The following FOXP4 variants were observed in gnomAD, a reference collection of about 807,000 sequenced individuals.
FOXP4 encodes the protein forkhead box P4.
A neutral mutation model predicts 82.6 loss-of-function variants in FOXP4; 25 were observed. The observed-to-expected ratio is 0.30, with a 90% CI of 0.22 to 0.42. The LOEUF is 0.42. FOXP4 is among the 10% of genes least tolerant of loss of function. The pLI is 1.00. For synonymous variants in FOXP4, 415 were observed against 388.2 expected, an observed-to-expected ratio of 1.07 and a Z score of -0.81; for missense variants, 785 against 900.9, an observed-to-expected ratio of 0.87 and a Z score of 1.65.
Position 41,546,842 on chromosome 6 carries a change from C to T in FOXP4, c.-42C>T, listed in dbSNP as rs890481887. 1 of 149,364 alleles carries T rather than the reference C, an allele frequency of 6.7e-6. No individual in the cohort carries two copies. The highest frequency in any genetic ancestry group is 2.4e-5 in the African/African-American group (1 of 41,020). 9.3% of individuals were successfully genotyped at this position (149,364 alleles called of 1,614,324 possible). A position where few individuals can be genotyped will look rare whatever the true frequency, so the allele number is the denominator to read the frequency against. On this transcript the variant is annotated 5_prime_UTR_variant, in exon 1 of 17. Transcript: ENST00000307972. Reference sequence around the variant, plus strand: ...CCCGCGCGGGCTGACGGGCCGGAGCCCGCACGGAGCGGCCGGGCGGGACAG... The same window carrying T: ...CCCGCGCGGGCTGACGGGCCGGAGCTCGCACGGAGCGGCCGGGCGGGACAG...
intron 1 of FOXP4, among the ~76,000 whole-genome samples, chr6:41,548,887 A>T (rs1177191939): frequency 7.7e-6 from 1 of 130,290 alleles, no homozygotes; most frequent in African/African-American, 3.0e-5. Context: ...GGGCTCTGTT[A>T]CCTGGTGGCT....
chr6:41,587,393 C>T lies in FOXP4; in HGVS notation c.753C>T (p.Asp251=). The change falls in exon 7 of 17, where the codon GAC becomes GAT. Residue 251 remains aspartate, a synonymous_variant. Coordinates refer to ENST00000307972, the MANE Select transcript of FOXP4 (RefSeq NM_001012426.2). ...ACAGCGTCAAGCAGGAGGGGCTGGA[C>T]CTCACTGGCACGGCCGCCACCGCTA... is the stretch of plus-strand genomic sequence containing the variant. The part of the protein sequence containing the change: ...AEDSVKQEGL[D]LTGTAATATS... The T allele has an allele frequency of 6.3e-7, 1 of 1,598,244 alleles. No individual in the cohort carries two copies. Among genetic ancestry groups the T allele is most frequent in the East Asian group, 2.2e-5 (1 of 44,758 alleles).
Position 41,587,675 on chromosome 6 carries a change from C to T in FOXP4, c.873-118C>T, listed in dbSNP as rs1330813983. On this transcript the variant is annotated intron_variant, in intron 7 of 16. Coordinates refer to ENST00000307972, the MANE Select transcript of FOXP4 (RefSeq NM_001012426.2). The stretch of plus-strand genomic sequence containing the variant: ...GGGGTGTACAGATGGTGCTTGGCCG[C>T]TGGGAAACCTGTATTGGGGCAGAAA... The T allele has an allele frequency of 5.5e-6, 5 of 912,114 alleles. No homozygotes were observed. In the African/African-American group the frequency reaches 8.3e-5, roughly 15 times the overall value. The allele number at this position is 912,114 out of a possible 1,614,324, so 56.5% of individuals were successfully genotyped here.
chr6:41,554,241 G>A (rs1009794661), intron 1 of FOXP4, among the ~76,000 whole-genome samples: 2 of 152,220 alleles, frequency 1.3e-5, no homozygotes, highest in African/African-American at 4.8e-5. Flanking sequence ...GGCCATAAGG[G>A]CTGAGGTCAC....
At chr6:41,551,616 G>A (rs952858711) in intron 1 of FOXP4, among the ~76,000 whole-genome samples, 6 of 152,180 alleles carry the variant, frequency 3.9e-5, no homozygotes, top group African/African-American at 1.2e-4. Context: ...TGTGACCCAG[G>A]CTACCATGTA....
At chr6:41,598,679 G>A in intron 16 of FOXP4, 110 bp from the exon 17 acceptor site, 1 of 1,473,618 alleles carries the variant, frequency 6.8e-7, no homozygotes, top group South Asian at 1.3e-5. Context: ...CCTGGGGAGG[G>A]GGCTGTGGGC....
chr6:41,601,223 G>T lies in FOXP4; in HGVS notation c.*2287G>T, dbSNP rs546056875. 2.6e-5 allele frequency: 4 copies of T among 151,432 alleles called. No homozygotes were observed. 9.4% of individuals were successfully genotyped at this position (151,432 alleles called of 1,614,324 possible). ...ACCATGGTCATCATAGTGGGCTCAC[G>T]GCGGAAACGGGATCATTCAACCTAT... On this transcript the variant is annotated 3_prime_UTR_variant, in exon 17 of 17. Coordinates refer to ENST00000307972, the MANE Select transcript of FOXP4 (RefSeq NM_001012426.2).
intron 2 of FOXP4, among the ~76,000 whole-genome samples, chr6:41,574,421 A>G (rs1434140869): frequency 6.6e-6 from 1 of 152,214 alleles, no homozygotes; most frequent in Non-Finnish European, 1.5e-5. Context: ...TGAAGCTTCA[A>G]TTAAATGTTT....
At position 41,563,630 on chromosome 6, in the gene FOXP4, T is replaced by C. The variant is rs149673569; in HGVS notation, c.-16-2115T>C. 4.4e-3 allele frequency among the ~76,000 whole-genome samples: 664 copies of C among 152,310 alleles called. 6 individuals carry two copies. Among genetic ancestry groups the C allele is most frequent in the African/African-American group, 0.015 (640 of 41,558 alleles). Reference sequence around the variant, plus strand: ...ATCTGGGCCAAGTCCTTGACCTCTTTGGGTCTCAATGTCCTCACCCTTACA... The same window carrying C: ...ATCTGGGCCAAGTCCTTGACCTCTTCGGGTCTCAATGTCCTCACCCTTACA... On this transcript the variant is annotated intron_variant, in intron 1 of 16. Coordinates refer to ENST00000307972, the MANE Select transcript of FOXP4 (RefSeq NM_001012426.2).
intron 1 of FOXP4, among the ~76,000 whole-genome samples, chr6:41,560,540 G>A (rs1266463949): frequency 2.0e-5 from 3 of 152,246 alleles, no homozygotes; most frequent in African/African-American, 7.2e-5. Flanking sequence ...GCGTGCACGT[G>A]TGCTCCCGGC....
At position 41,578,000 on chromosome 6, in the gene FOXP4, C is replaced by G; in HGVS notation, c.219C>G (p.Ala73=). 6.2e-7 allele frequency: 1 copy of G among 1,612,658 alleles called. No homozygotes were observed. The highest frequency in any genetic ancestry group is 8.5e-7 in the Non-Finnish European group (1 of 1,179,954). ...CTGTCTTGCAGGCTCTCCAAGTGGC[C>G]CGGCAGTTCCTGCTGCAGCAGGCCT... ...HFQQQQALQV[A]RQFLLQQASG... The change falls in exon 3 of 17, where the codon GCC becomes GCG. Residue 73 remains alanine, a synonymous_variant. Transcript: ENST00000307972.
At chr6:41,551,727 A>T (rs1290763039) in intron 1 of FOXP4, among the ~76,000 whole-genome samples, 1 of 152,208 alleles carries the variant, frequency 6.6e-6, no homozygotes, top group Non-Finnish European at 1.5e-5. Context: ...TGGTGGGAGC[A>T]GAAGTTACTC....
intron 1 of FOXP4, chr6:41,548,370 GT>G (rs1434597648): frequency 2.0e-5 from 3 of 152,256 alleles, no homozygotes; most frequent in African/African-American, 4.8e-5. Context: ...GCCAATGCGG[GT>G]TTTTACCTGA....
chr6:41,565,297 C>G (rs1764809083), intron 1 of FOXP4, among the ~76,000 whole-genome samples: 1 of 152,118 alleles, frequency 6.6e-6, no homozygotes, highest in African/African-American at 2.4e-5. Context: ...GAGGCGGAGG[C>G]TGCAGTGAGC....
chr6:41,587,208 G>A (rs377486385), intron 6 of FOXP4, 52 bp downstream of exon 6: 460 of 1,608,646 alleles, frequency 2.9e-4, no homozygotes, highest in Admixed American at 8.0e-4. Context: ...AGCCCTGCCT[G>A]TACGCAACAG....
intron 1 of FOXP4, among the ~76,000 whole-genome samples, chr6:41,548,823 CCTTTT>C (rs770585856): frequency 0.018 from 1,970 of 109,148 alleles, 33 homozygotes; most frequent in South Asian, 0.11. Flanking sequence ...AGTCTGAAGG[CCTTTT>C]TTTTTTTTTT....
intron 13 of FOXP4, among the ~76,000 whole-genome samples, chr6:41,592,297 C>T (rs1006547816): frequency 3.9e-5 from 6 of 152,210 alleles, no homozygotes; most frequent in Non-Finnish European, 8.8e-5. Flanking sequence ...TGCCTGCCTA[C>T]CCTTTGCCCT....
At chr6:41,562,109 G>A (rs560719394) in intron 1 of FOXP4, among the ~76,000 whole-genome samples, 3 of 152,382 alleles carry the variant, frequency 2.0e-5, no homozygotes, top group South Asian at 4.1e-4. Context: ...CTGTGGAGAG[G>A]TGGGCAGGAG....
Position 41,587,563 on chromosome 6 carries a change from C to T in FOXP4, c.872+51C>T, listed in dbSNP as rs750905734. On this transcript the variant is annotated intron_variant, in intron 7 of 16. Transcript: ENST00000307972. Reference sequence around the variant, plus strand: ...CATCAAAGGCCTGCCTGGGGGTAGACCTGGCCCCCCACCCATGAGGGCTGA... The same window carrying T: ...CATCAAAGGCCTGCCTGGGGGTAGATCTGGCCCCCCACCCATGAGGGCTGA... The T allele has an allele frequency of 3.0e-5, 42 of 1,418,338 alleles. 1 individual carries two copies. The East Asian group carries it at 9.0e-4, about 30-fold the overall frequency. 87.9% of individuals were successfully genotyped at this position (1,418,338 alleles called of 1,614,324 possible).
Sources: gnomAD v4.1 joint callset for allele counts (sites outside exome capture counted in the v4.1 genomes callset) on GRCh38, gnomAD v4.1.1 for gene constraint, MANE v1.5 for transcripts, NCBI Gene and HGNC (gene_info 2026-07-23, HGNC 2026-07-21) for gene names.